Variants in TRIM2 observed in about 807,000 individuals in gnomAD.
The protein encoded by TRIM2 is tripartite motif containing 2.
Under a neutral mutation model 75.2 loss-of-function variants are expected in TRIM2, and 20 were observed. The ratio of observed to expected loss-of-function variants is 0.27; its 90% CI spans 0.19 to 0.39. The LOEUF is 0.39. Ranked by LOEUF, TRIM2 falls within the 10% of genes least tolerant of loss-of-function variation. TRIM2 has a pLI of 1.00. For missense variants in TRIM2, 660 were observed against 990.8 expected (o/e 0.67, Z 4.48); for synonymous variants, 373 against 388.3 (o/e 0.96, Z 0.46).
At chr4:153,308,390 CTTG>C in intron 6 of TRIM2, 1 of 914,474 alleles carries the variant, frequency 1.1e-6, no homozygotes, top group Non-Finnish European at 1.8e-6. Flanking sequence ...TGAGGGAGTC[CTTG>C]TTGGTTCCCA....
intron 6 of TRIM2, chr4:153,307,643 T>G (rs180753561): frequency 2.3e-6 from 1 of 440,722 alleles, no homozygotes; most frequent in African/African-American, 2.0e-5. Context: ...TTGGGGGCAA[T>G]GCTAACGTCA....
intron 1 of TRIM2, among the ~76,000 whole-genome samples, chr4:153,172,958 T>C (rs933661517): frequency 1.3e-4 from 20 of 152,050 alleles, no homozygotes; most frequent in Non-Finnish European, 7.4e-5. Flanking sequence ...CCCCAGGGGG[T>C]TGGGAAGAGA....
intron 2 of TRIM2, among the ~76,000 whole-genome samples, chr4:153,271,966 C>G (rs138589222): frequency 6.6e-6 from 1 of 152,274 alleles, no homozygotes; most frequent in African/African-American, 2.4e-5. Context: ...AAGCAACACT[C>G]TGGCTGCCCT....
At position 153,324,167 on chromosome 4, in the gene TRIM2, T is replaced by C. The variant is rs765231303; in HGVS notation, c.2022+19T>C. On this transcript the variant is annotated intron_variant, in intron 10 of 11. Coordinates refer to ENST00000338700, the MANE Select transcript of TRIM2 (RefSeq NM_015271.5). Reference sequence around the variant, plus strand: ...TGTCAAGGTACTACAAGCACATGAGTTGTTGTTAACTTTTAACTGCTTTTA... The same window carrying C: ...TGTCAAGGTACTACAAGCACATGAGCTGTTGTTAACTTTTAACTGCTTTTA... 1.4e-5 allele frequency: 22 copies of C among 1,602,924 alleles called. No homozygotes were observed. The highest frequency in any genetic ancestry group is 1.7e-5 in the Non-Finnish European group (20 of 1,175,454).
chr4:153,273,757 G>C (rs1757426780), intron 2 of TRIM2, among the ~76,000 whole-genome samples: 1 of 152,192 alleles, frequency 6.6e-6, no homozygotes, highest in Non-Finnish European at 1.5e-5. Flanking sequence ...CCAGTGACAA[G>C]TGCTGTACAC....
intron 4 of TRIM2, among the ~76,000 whole-genome samples, chr4:153,294,022 A>G (rs1183124369): frequency 1.3e-5 from 2 of 152,204 alleles, no homozygotes; most frequent in Non-Finnish European, 2.9e-5. Context: ...TAACCTGGCC[A>G]GAATGGCTTT....
chr4:153,315,609 C>T, intron 7 of TRIM2, 21 bp downstream of exon 7: 2 of 1,547,428 alleles, frequency 1.3e-6, no homozygotes, highest in South Asian at 1.2e-5. Flanking sequence ...TAATTATATA[C>T]CTTTAACTAC....
chr4:153,159,776 G>A (rs1729578851), intron 1 of TRIM2, among the ~76,000 whole-genome samples: 1 of 152,160 alleles, frequency 6.6e-6, no homozygotes, highest in African/African-American at 2.4e-5. Context: ...GTGGTTTATG[G>A]TCAGCATTGT....
At chr4:153,197,033 C>T (rs982251099) in intron 1 of TRIM2, among the ~76,000 whole-genome samples, 9 of 152,190 alleles carry the variant, frequency 5.9e-5, no homozygotes, top group African/African-American at 2.2e-4. Context: ...ATAGAAAACC[C>T]ATTGGCATGT....
chr4:153,327,441 T>C (rs1770494400), intron 10 of TRIM2, among the ~76,000 whole-genome samples: 1 of 152,232 alleles, frequency 6.6e-6, no homozygotes, highest in African/African-American at 2.4e-5. Flanking sequence ...TACTCAAATA[T>C]AGTGAGCTCT....
intron 6 of TRIM2, among the ~76,000 whole-genome samples, chr4:153,306,969 T>C (rs558280870): frequency 1.3e-5 from 2 of 152,370 alleles, no homozygotes; most frequent in South Asian, 4.1e-4. Flanking sequence ...TTCCTCTTCA[T>C]TGAAAATGCC....
chr4:153,204,438 A>G, upstream of TRIM2: 1 of 1,466,392 alleles, frequency 6.8e-7, no homozygotes, highest in South Asian at 1.2e-5. Context: ...GCCACCCTTT[A>G]ACTCGGCAGC....
At chr4:153,178,290 T>C (rs1444351784) in intron 1 of TRIM2, among the ~76,000 whole-genome samples, 1 of 152,104 alleles carries the variant, frequency 6.6e-6, no homozygotes, top group African/African-American at 2.4e-5. Context: ...ATCTCAAGCA[T>C]GCACCCCCAG....
intron 1 of TRIM2, among the ~76,000 whole-genome samples, chr4:153,260,429 C>T (rs2149979343): frequency 6.6e-6 from 1 of 152,096 alleles, no homozygotes; most frequent in Admixed American, 6.5e-5. Flanking sequence ...AGGCAATGGC[C>T]TTCTTTATAT....
At chr4:153,311,894 T>TTTTATTTATTTATTTATTTATTTA (rs112254741) in intron 6 of TRIM2, among the ~76,000 whole-genome samples, 1 of 144,298 alleles carries the variant, frequency 6.9e-6, no homozygotes, top group Non-Finnish European at 1.5e-5. Flanking sequence ...GTTTTTATTC[T>TTTTATTTATTTATTTATTTATTTA]TTTATTTATT....
chr4:153,166,951 G>C (rs535695751), intron 1 of TRIM2, among the ~76,000 whole-genome samples: 1 of 152,278 alleles, frequency 6.6e-6, no homozygotes, highest in East Asian at 1.9e-4. Context: ...TTCTCCTCTT[G>C]AATAGAGGCT....
At chr4:153,183,395 G>A (rs180887523) in intron 1 of TRIM2, among the ~76,000 whole-genome samples, 108 of 152,308 alleles carry the variant, frequency 7.1e-4, no homozygotes, top group African/African-American at 2.4e-3. Context: ...GCTGAGGGGC[G>A]GAGAACAGCT....
chr4:153,236,066 T>C (rs536381410), intron 1 of TRIM2, among the ~76,000 whole-genome samples: 1 of 152,064 alleles, frequency 6.6e-6, no homozygotes, highest in African/African-American at 2.4e-5. Context: ...GATCTGATGG[T>C]TTTATAAGCA....
chr4:153,168,623 A>C (rs1483220121), intron 1 of TRIM2, among the ~76,000 whole-genome samples: 1 of 151,516 alleles, frequency 6.6e-6, no homozygotes, highest in African/African-American at 2.4e-5. Context: ...CATTTTTTTC[A>C]TTTTCTCAAA....
Sources: gnomAD v4.1 joint callset for allele counts (sites outside exome capture counted in the v4.1 genomes callset) on GRCh38, gnomAD v4.1.1 for gene constraint, MANE v1.5 for transcripts, NCBI Gene and HGNC (gene_info 2026-07-23, HGNC 2026-07-21) for gene names.